SERPINB7: variants seen among roughly 807,000 people sequenced by gnomAD.
The protein encoded by SERPINB7 is serpin B7.
Under a neutral mutation model 37.4 loss-of-function variants are expected in SERPINB7, and 31 were observed. The ratio of observed to expected loss-of-function variants is 0.83; its 90% CI spans 0.62 to 1.12. The LOEUF (loss-of-function observed/expected upper bound fraction) is 1.12, where lower values mean the gene tolerates loss of function less well. Among genes scored for constraint, SERPINB7 ranks in the 50% most tolerant of loss-of-function variants. The probability of loss-of-function intolerance (pLI) is 0.00; values close to 1 mark genes in which losing one functional copy is unlikely to be tolerated. For synonymous variants in SERPINB7, 163 were observed against 166.1 expected (o/e 0.98, Z 0.14); for missense variants, 521 against 455.3 (o/e 1.14, Z -1.31).
Position 63,782,381 on chromosome 18 carries a change from C to T in SERPINB7, c.9C>T (p.Ser3=). Residue 3 remains serine, a synonymous_variant, in exon 2 of 8, where the codon TCC becomes TCT. Coordinates refer to ENST00000398019, the MANE Select transcript of SERPINB7 (RefSeq NM_003784.4). The stretch of plus-strand genomic sequence containing the variant: ...CTGCACTCCATTTTGCAATGGCCTC[C>T]CTTGCTGCAGCAAATGCAGAGTTTT... MA[S]LAAANAEFCF... is the part of the protein sequence containing the mutation. 1 of 1,611,314 alleles carries T rather than the reference C, an allele frequency of 6.2e-7. No homozygotes were observed. The highest frequency in any genetic ancestry group is 8.5e-7 in the Non-Finnish European group (1 of 1,178,426).
At chr18:63,770,847 CTTTA>C (rs1408998751), upstream of SERPINB7, among the ~76,000 whole-genome samples, 1 of 148,744 alleles carries the variant, frequency 6.7e-6, no homozygotes, top group East Asian at 2.0e-4. Context: ...TACAACCTTA[CTTTA>C]TTTTATTTCC....
At chr18:63,760,367 G>A (rs1297474242) in intron 1 of SERPINB7, among the ~76,000 whole-genome samples, 1 of 152,164 alleles carries the variant, frequency 6.6e-6, no homozygotes, top group East Asian at 1.9e-4. Context: ...AGGTGACTTG[G>A]GTATTGTTAA....
At chr18:63,759,704 G>A (rs780933444) in intron 1 of SERPINB7, among the ~76,000 whole-genome samples, 3 of 152,140 alleles carry the variant, frequency 2.0e-5, no homozygotes, top group Non-Finnish European at 4.4e-5. Context: ...CCAGAGGGAG[G>A]TAATTGAATC....
intron 1 of SERPINB7, among the ~76,000 whole-genome samples, chr18:63,778,937 A>C (rs552838953): frequency 6.6e-6 from 1 of 152,218 alleles, no homozygotes; most frequent in Non-Finnish European, 1.5e-5. Flanking sequence ...AAGCTAAAAT[A>C]TTTATGCAAG....
chr18:63,804,646 G>A lies in SERPINB7; in HGVS notation c.*11G>A. 1 of 1,595,510 alleles carries A rather than the reference G, an allele frequency of 6.3e-7. No homozygotes were observed. Among genetic ancestry groups the A allele is most frequent in the Non-Finnish European group, 8.5e-7 (1 of 1,170,890 alleles). ...GTTTCTTGCCCTTGAAAATCCAATTGGTTTCTGTTATAGCAGTCCCCACAA... is the reference window on the plus strand; with the variant it reads ...GTTTCTTGCCCTTGAAAATCCAATTAGTTTCTGTTATAGCAGTCCCCACAA... On this transcript the variant is annotated 3_prime_UTR_variant, in exon 8 of 8. Transcript: ENST00000398019.
intron 3 of SERPINB7, among the ~76,000 whole-genome samples, chr18:63,792,895 AAATT>A (rs1400738084): frequency 6.6e-6 from 1 of 152,162 alleles, no homozygotes; most frequent in East Asian, 1.9e-4. Context: ...TACATTGGTA[AAATT>A]AATTAATATA....
intron 2 of SERPINB7, among the ~76,000 whole-genome samples, chr18:63,790,364 A>G (rs1053955815): frequency 6.6e-6 from 1 of 152,216 alleles, no homozygotes; most frequent in East Asian, 1.9e-4. Context: ...GATGACAACA[A>G]TGATGGTGGG....
At chr18:63,761,551 TTGAC>T (rs1481616888) in intron 1 of SERPINB7, among the ~76,000 whole-genome samples, 1 of 152,170 alleles carries the variant, frequency 6.6e-6, no homozygotes, top group African/African-American at 2.4e-5. Context: ...ATGATATGGT[TTGAC>T]TGTGTCCCCA....
chr18:63,789,131 T>C (rs1306666663), intron 2 of SERPINB7, among the ~76,000 whole-genome samples: 3 of 152,256 alleles, frequency 2.0e-5, no homozygotes, highest in Non-Finnish European at 2.9e-5. Flanking sequence ...TAATCAAATA[T>C]GACTTCCAAT....
At chr18:63,786,615 T>TC (rs200497752) in intron 2 of SERPINB7, among the ~76,000 whole-genome samples, 11 of 90,008 alleles carry the variant, frequency 1.2e-4, no homozygotes, top group East Asian at 4.3e-4. Flanking sequence ...ATTCATAGTA[T>TC]CTTTTTTTTT....
intron 4 of SERPINB7, among the ~76,000 whole-genome samples, chr18:63,794,416 T>G (rs1422589514): frequency 6.6e-6 from 1 of 151,710 alleles, no homozygotes; most frequent in East Asian, 2.0e-4. Context: ...CTACTCTTTG[T>G]GCGGTGGCTC....
intron 6 of SERPINB7, 148 bp from the exon 7 acceptor site, chr18:63,800,718 C>T (rs976178282): frequency 4.1e-6 from 3 of 736,582 alleles, no homozygotes; most frequent in Non-Finnish European, 6.4e-6. Context: ...TGCACCAATG[C>T]AACCACTATT....
Position 63,800,977 on chromosome 18 carries a change from A to G in SERPINB7, c.709A>G (p.Met237Val). The stretch of plus-strand genomic sequence containing the variant: ...GCTCAGATACAATGGTGGCATAAAC[A>G]TGTACGTTCTGCTGCCTGAGAATGA... ...LELRYNGGIN[M>V]YVLLPENDLS... is the part of the protein sequence containing the mutation. Residue 237 changes from methionine (M) to valine (V), a missense_variant, in exon 7 of 8, where the codon ATG becomes GTG. Met to Val is a conservative substitution (Grantham distance 21). Coordinates refer to ENST00000398019, the MANE Select transcript of SERPINB7 (RefSeq NM_003784.4). The G allele has an allele frequency of 1.2e-6, 2 of 1,613,920 alleles. No individual in the cohort carries two copies. The highest frequency in any genetic ancestry group is 8.5e-7 in the Non-Finnish European group (1 of 1,179,830).
intron 2 of SERPINB7, among the ~76,000 whole-genome samples, chr18:63,791,080 T>C (rs2049421958): frequency 6.6e-6 from 1 of 151,672 alleles, no homozygotes; most frequent in Admixed American, 6.6e-5. Context: ...TAAGTGGGAG[T>C]TGAACAATGA....
At chr18:63,787,502 A>AATCC (rs2049384390) in intron 2 of SERPINB7, among the ~76,000 whole-genome samples, 1 of 152,188 alleles carries the variant, frequency 6.6e-6, no homozygotes, top group African/African-American at 2.4e-5. Context: ...ACTTCTGGAT[A>AATCC]GTTATATAAT....
In SERPINB7 at chr18:63,804,460, A is replaced by C. The variant is rs764108156; in HGVS notation, c.968A>C (p.His323Pro). The change falls in exon 8 of 8, where the codon CAC becomes CCC. Residue 323 changes from histidine to proline, a missense_variant. By Grantham distance (77) the His-to-Pro change is moderately conservative. Transcript: ENST00000398019. ...CGTCTGTATATATCAAGGATGATGC[A>C]CAAATCTTACATAGAGGTCACTGAG... The part of the protein sequence containing the change: ...GGRLYISRMM[H>P]KSYIEVTEEG... 1 of 1,613,798 alleles carries C rather than the reference A, an allele frequency of 6.2e-7. No homozygotes were observed. Among genetic ancestry groups the C allele is most frequent in the South Asian group, 1.1e-5 (1 of 91,086 alleles).
intron 2 of SERPINB7, among the ~76,000 whole-genome samples, chr18:63,788,890 G>A (rs138211148): frequency 1.3e-5 from 2 of 152,292 alleles, no homozygotes; most frequent in Admixed American, 6.5e-5. Flanking sequence ...AAGTTGTATA[G>A]TAGGCCATAC....
intron 2 of SERPINB7, among the ~76,000 whole-genome samples, chr18:63,785,032 G>A (rs1424630218): frequency 1.3e-5 from 2 of 152,112 alleles, no homozygotes; most frequent in East Asian, 1.9e-4. Flanking sequence ...ACTCTTTACT[G>A]CCTCATCAAT....
At position 63,793,251 on chromosome 18, in the gene SERPINB7, G is replaced by C. The variant is rs761391967; in HGVS notation, c.310G>C (p.Ala104Pro). Residue 104 changes from alanine (A) to proline (P), a missense_variant, in exon 4 of 8, where the codon GCT becomes CCT. Transcript: ENST00000398019. The stretch of plus-strand genomic sequence containing the variant: ...TCTCAGCATTGTGAATGGGCTTTTT[G>C]CTGAAAAAGTGTATGGCTTTCATAA... Reference protein sequence around the residue: ...YDLSIVNGLFAEKVYGFHKDY... With the variant: ...YDLSIVNGLFPEKVYGFHKDY... 1.7e-5 allele frequency: 27 copies of C among 1,599,496 alleles called. No individual in the cohort carries two copies. Among genetic ancestry groups the C allele is most frequent in the Non-Finnish European group, 2.0e-5 (23 of 1,170,700 alleles).
Sources: gnomAD v4.1 joint callset for allele counts (sites outside exome capture counted in the v4.1 genomes callset) on GRCh38, gnomAD v4.1.1 for gene constraint, MANE v1.5 for transcripts, NCBI Gene and HGNC (gene_info 2026-07-23, HGNC 2026-07-21) for gene names.